The following NKAIN3 variants were observed in gnomAD, a reference collection of about 807,000 sequenced individuals.
NKAIN3 encodes the protein sodium/potassium transporting ATPase interacting 3.
A neutral mutation model predicts 30.2 loss-of-function variants in NKAIN3; 25 were observed. That is an observed-to-expected ratio of 0.83 (90% CI 0.60 to 1.16). The LOEUF (loss-of-function observed/expected upper bound fraction) is 1.16, where lower values mean the gene tolerates loss of function less well. NKAIN3 is among the 50% of genes most tolerant of loss of function. The pLI, the probability that NKAIN3 is intolerant of heterozygous loss-of-function variation, is 0.00. For missense variants in NKAIN3, 225 were observed against 254.1 expected, an observed-to-expected ratio of 0.89 and a Z score of 0.78; for synonymous variants, 91 against 89.6, an observed-to-expected ratio of 1.02 and a Z score of -0.09.
At chr8:62,310,211 G>GA (rs1422837351) in intron 1 of NKAIN3, among the ~76,000 whole-genome samples, 1 of 150,062 alleles carries the variant, frequency 6.7e-6, no homozygotes. Flanking sequence ...AACTTCAGTT[G>GA]AAAAAAAATA....
At chr8:62,768,342 C>T (rs189930418) in intron 4 of NKAIN3, among the ~76,000 whole-genome samples, 11 of 152,290 alleles carry the variant, frequency 7.2e-5, no homozygotes, top group Admixed American at 5.9e-4. Context: ...TTTTGACTCC[C>T]GCTCTGCTGA....
intron 1 of NKAIN3, among the ~76,000 whole-genome samples, chr8:62,394,960 C>A (rs573920134): frequency 2.7e-5 from 4 of 146,074 alleles, no homozygotes; most frequent in African/African-American, 1.0e-4. Context: ...CAAGCAGAGG[C>A]GCTCCTCACT....
chr8:62,856,246 G>A, intron 4 of NKAIN3: 1 of 880,856 alleles, frequency 1.1e-6, no homozygotes, highest in Non-Finnish European at 1.9e-6. Context: ...TTTCCCAATA[G>A]AGCTTTATTG....
At chr8:62,268,331 C>T (rs1812669558) in intron 1 of NKAIN3, among the ~76,000 whole-genome samples, 1 of 152,180 alleles carries the variant, frequency 6.6e-6, no homozygotes, top group Non-Finnish European at 1.5e-5. Flanking sequence ...ACTGTTCATA[C>T]TTCTTTCCAT....
chr8:62,624,524 T>G (rs952953867), intron 3 of NKAIN3, among the ~76,000 whole-genome samples: 3 of 151,750 alleles, frequency 2.0e-5, no homozygotes, highest in African/African-American at 7.3e-5. Flanking sequence ...TAGGTTTTTT[T>G]TTTTAATCTT....
intron 3 of NKAIN3, among the ~76,000 whole-genome samples, chr8:62,694,770 A>G (rs1171086062): frequency 6.6e-6 from 1 of 152,144 alleles, no homozygotes; most frequent in Admixed American, 6.5e-5. Flanking sequence ...ACTAAAACCA[A>G]ATATTATCTC....
chr8:62,857,028 GTTC>G (rs1268124401), intron 4 of NKAIN3: 1 of 510,048 alleles, frequency 2.0e-6, no homozygotes, highest in Non-Finnish European at 3.9e-6. Flanking sequence ...TTCTCTTCTT[GTTC>G]TTCTTTGCTT....
At chr8:62,691,307 C>T (rs1390611477) in intron 3 of NKAIN3, among the ~76,000 whole-genome samples, 1 of 151,942 alleles carries the variant, frequency 6.6e-6, no homozygotes, top group East Asian at 1.9e-4. Flanking sequence ...GAAGGTAACC[C>T]GAGAAAGAGG....
intron 1 of NKAIN3, among the ~76,000 whole-genome samples, chr8:62,456,532 A>T (rs1563407122): frequency 6.6e-6 from 1 of 151,938 alleles, no homozygotes; most frequent in South Asian, 2.1e-4. Flanking sequence ...AAAAAAAAAA[A>T]ATAAAAATAA....
intron 1 of NKAIN3, among the ~76,000 whole-genome samples, chr8:62,568,720 T>A (rs1809831447): frequency 6.6e-6 from 1 of 152,210 alleles, no homozygotes; most frequent in Admixed American, 6.5e-5. Context: ...TTTTCTGAGA[T>A]CCCATATTGT....
In NKAIN3 at chr8:62,339,616, A is replaced by T. The variant is rs192666143; in HGVS notation, c.54+90489A>T. Among the ~76,000 whole-genome samples, 28 of 152,178 alleles carry T rather than the reference A, an allele frequency of 1.8e-4. 2 individuals carry two copies. The East Asian group carries it at 3.3e-3, about 18-fold the overall frequency. ...TTAGTTTTGTCTAAACTATCCTGTA[A>T]ATAGCAATTTGCAAAATGAGATTCA... On this transcript the variant is annotated intron_variant, in intron 1 of 6. Transcript: ENST00000623646.
intron 1 of NKAIN3, among the ~76,000 whole-genome samples, chr8:62,530,908 G>A (rs780868921): frequency 1.3e-5 from 2 of 152,034 alleles, no homozygotes; most frequent in African/African-American, 2.4e-5. Context: ...GCCTCCCAAC[G>A]TGCTGGAATT....
At chr8:62,954,924 A>G (rs1424425982) in intron 6 of NKAIN3, among the ~76,000 whole-genome samples, 2 of 152,206 alleles carry the variant, frequency 1.3e-5, no homozygotes, top group Non-Finnish European at 2.9e-5. Context: ...GGACTTGCTC[A>G]GATGATCTTT....
At chr8:62,534,220 C>A (rs1198766113) in intron 1 of NKAIN3, among the ~76,000 whole-genome samples, 1 of 152,098 alleles carries the variant, frequency 6.6e-6, no homozygotes, top group Non-Finnish European at 1.5e-5. Flanking sequence ...CACAGGAAGC[C>A]CGGGTCTGAG....
At chr8:62,995,172 A>T (rs1804080599) in intron 5 of NKAIN3, among the ~76,000 whole-genome samples, 1 of 152,246 alleles carries the variant, frequency 6.6e-6, no homozygotes, top group African/African-American at 2.4e-5. Context: ...GGCTCAGTGA[A>T]TCTGGAGGAA....
intron 1 of NKAIN3, among the ~76,000 whole-genome samples, chr8:62,355,730 A>G (rs968105940): frequency 1.3e-5 from 2 of 152,220 alleles, no homozygotes; most frequent in Non-Finnish European, 2.9e-5. Context: ...GTCTCCTGAA[A>G]AAGTGTTACT....
chr8:62,635,323 A>C (rs968290196), intron 3 of NKAIN3, among the ~76,000 whole-genome samples: 9 of 152,166 alleles, frequency 5.9e-5, no homozygotes, highest in African/African-American at 2.2e-4. Flanking sequence ...TGAAACATAT[A>C]TACATATGAA....
At chr8:62,639,826 T>G (rs1007314960) in intron 3 of NKAIN3, among the ~76,000 whole-genome samples, 4 of 152,012 alleles carry the variant, frequency 2.6e-5, no homozygotes, top group African/African-American at 9.7e-5. Context: ...CCCTTTTTAT[T>G]AATAAGGAAT....
rs139994796 is a variant in NKAIN3 at position 62,347,493 on chromosome 8, C to G, written c.54+98366C>G. Among the ~76,000 whole-genome samples the G allele has an allele frequency of 3.0e-3, 452 of 152,086 alleles. 1 individual carries two copies. Among genetic ancestry groups the G allele is most frequent in the Non-Finnish European group, 4.1e-3 (280 of 67,972 alleles). ...GAAGAGTTTCAAAGGCGTATCTTGA[C>G]TATACAATTACAAATTACCTTAAGG... On this transcript the variant is annotated intron_variant, in intron 1 of 6. Coordinates refer to ENST00000623646, the MANE Select transcript of NKAIN3 (RefSeq NM_001304533.3).
Sources: allele counts gnomAD v4.1 joint callset (sites outside exome capture counted in the v4.1 genomes callset), GRCh38; gene constraint gnomAD v4.1.1; transcripts MANE v1.5; gene names NCBI Gene and HGNC (gene_info 2026-07-23, HGNC 2026-07-21).